The following MEGF10 variants were observed in gnomAD, a reference collection of about 807,000 sequenced individuals.
MEGF10 encodes multiple EGF like domains 10, also known as multiple epidermal growth factor-like domains protein 10.
In MEGF10, 86 loss-of-function variants were observed where a neutral mutation model predicts 147.5. The observed-to-expected ratio is 0.58, with a 90% CI of 0.49 to 0.70. The LOEUF (loss-of-function observed/expected upper bound fraction) is 0.70, where lower values mean the gene tolerates loss of function less well. Among genes scored for constraint, MEGF10 ranks in the 30% least tolerant of loss-of-function variants. The pLI is 0.00. For missense variants in MEGF10, 1,329 were observed against 1,487.3 expected (o/e 0.89, Z 1.75); for synonymous variants, 478 against 525.5 (o/e 0.91, Z 1.24).
intron 8 of MEGF10, among the ~76,000 whole-genome samples, chr5:127,408,316 A>G (rs1203899900): frequency 6.6e-6 from 1 of 152,226 alleles, no homozygotes; most frequent in Non-Finnish European, 1.5e-5. Context: ...GAGACAGAAA[A>G]TGATATTATT....
chr5:127,407,380 A>G (rs192025607), intron 8 of MEGF10, among the ~76,000 whole-genome samples: 1 of 152,264 alleles, frequency 6.6e-6, no homozygotes, highest in African/African-American at 2.4e-5. Context: ...ACGTTAACTC[A>G]CTTACTTTTT....
the MEGF10 span, among the ~76,000 whole-genome samples, chr5:127,239,461 A>AATAT: frequency 1.5e-5 from 2 of 131,318 alleles, no homozygotes; most frequent in African/African-American, 5.7e-5. Context: ...TTATATATAA[A>AATAT]ATATATATAT....
intron 4 of MEGF10, among the ~76,000 whole-genome samples, chr5:127,344,261 T>C (rs2080917): frequency 5.9e-5 from 9 of 152,186 alleles, no homozygotes; most frequent in Non-Finnish European, 1.2e-4. Context: ...TCTTTTTTAA[T>C]GCATTTCAGA....
chr5:127,443,007 C>T lies in MEGF10; in HGVS notation c.2372C>T (p.Ser791Leu). ...GACTTTCCTTCTCTAGAGTGCCCTT[C>T]AGGAACATATGGCTATGGCTGTCGC... ...MGRHCEQKCP[S>L]GTYGYGCRQI... The change falls in exon 19 of 25, where the codon TCA becomes TTA. Residue 791 changes from serine (S) to leucine (L), a missense_variant. Physicochemically the swap from Ser to Leu is moderately radical, Grantham distance 145. Coordinates refer to ENST00000503335, the MANE Select transcript of MEGF10 (RefSeq NM_001256545.2). 1.9e-6 allele frequency: 3 copies of T among 1,612,370 alleles called. No individual in the cohort carries two copies. The highest frequency in any genetic ancestry group is 2.5e-6 in the Non-Finnish European group (3 of 1,179,024).
chr5:127,456,411 A>AT (rs1404689657), intron 24 of MEGF10, among the ~76,000 whole-genome samples: 1 of 152,114 alleles, frequency 6.6e-6, no homozygotes, highest in Non-Finnish European at 1.5e-5. Context: ...CAATAGGGCT[A>AT]TATATTTTCA....
At chr5:127,307,665 A>AATTTTCTTCTATCCATGATGGAGAT (rs1760075066) in intron 1 of MEGF10, among the ~76,000 whole-genome samples, 2 of 152,126 alleles carry the variant, frequency 1.3e-5, no homozygotes, top group Non-Finnish European at 2.9e-5. Context: ...ACCAAATTCA[A>AATTTTCTTCTATCCATGATGGAGAT]ATTTTCTTCT....
chr5:127,246,097 A>T, the MEGF10 span, among the ~76,000 whole-genome samples: 5 of 152,196 alleles, frequency 3.3e-5, no homozygotes, highest in African/African-American at 9.6e-5. Context: ...CAGCAATCCC[A>T]TTACTGGGTA....
At chr5:127,362,525 G>T (rs1215430515) in intron 4 of MEGF10, among the ~76,000 whole-genome samples, 1 of 151,590 alleles carries the variant, frequency 6.6e-6, no homozygotes, top group Non-Finnish European at 1.5e-5. Context: ...CACCACGCCC[G>T]GCTAATTTTT....
At chr5:127,244,404 T>C in the MEGF10 span, among the ~76,000 whole-genome samples, 1 of 150,176 alleles carries the variant, frequency 6.7e-6, no homozygotes, top group African/African-American at 2.4e-5. Flanking sequence ...GGTATCATTA[T>C]CACAGGAGTT....
At chr5:127,401,282 G>T (rs1764122127) in intron 7 of MEGF10, among the ~76,000 whole-genome samples, 1 of 152,160 alleles carries the variant, frequency 6.6e-6, no homozygotes, top group African/African-American at 2.4e-5. Flanking sequence ...CTAATTGAGG[G>T]TTGTTACCTT....
chr5:127,249,058 T>C, the MEGF10 span, among the ~76,000 whole-genome samples: 1 of 152,000 alleles, frequency 6.6e-6, no homozygotes, highest in East Asian at 1.9e-4. Context: ...TGGGCAAATA[T>C]GAATAAATTT....
At chr5:127,331,231 A>C in intron 1 of MEGF10, 60 bp from the exon 2 acceptor site, 1 of 881,242 alleles carries the variant, frequency 1.1e-6, no homozygotes, top group Non-Finnish European at 1.9e-6. Context: ...GCTGTACTGA[A>C]AAGAATTCTG....
chr5:127,374,521 C>A (rs551348593), intron 5 of MEGF10, among the ~76,000 whole-genome samples: 42 of 151,252 alleles, frequency 2.8e-4, no homozygotes, highest in East Asian at 1.9e-3. Flanking sequence ...ATAAAAAAAA[C>A]CCCTGTATTT....
chr5:127,399,847 T>G (rs903910220), intron 7 of MEGF10, among the ~76,000 whole-genome samples: 1 of 152,232 alleles, frequency 6.6e-6, no homozygotes, highest in Middle Eastern at 3.2e-3. Flanking sequence ...TTTCTCACCA[T>G]AAATCCACTC....
intron 1 of MEGF10, among the ~76,000 whole-genome samples, chr5:127,300,768 A>G (rs1240581608): frequency 1.3e-5 from 2 of 152,186 alleles, no homozygotes; most frequent in African/African-American, 4.8e-5. Context: ...ATTCACCCTT[A>G]CTTCTACAGT....
At chr5:127,456,090 A>G (rs1296292042) in intron 24 of MEGF10, among the ~76,000 whole-genome samples, 3 of 152,214 alleles carry the variant, frequency 2.0e-5, no homozygotes, top group Non-Finnish European at 4.4e-5. Context: ...TTTTGTAACC[A>G]TAGTGAATAT....
intron 2 of MEGF10, among the ~76,000 whole-genome samples, chr5:127,335,835 T>C (rs1328352179): frequency 6.6e-6 from 1 of 151,926 alleles, no homozygotes; most frequent in Non-Finnish European, 1.5e-5. Flanking sequence ...TGGAGTTCTG[T>C]CTCTTGCTCT....
At chr5:127,434,591 G>T in intron 14 of MEGF10, 96 bp from the exon 15 acceptor site, 6 of 1,324,208 alleles carry the variant, frequency 4.5e-6, no homozygotes, top group South Asian at 1.8e-5. Flanking sequence ...TTAAGGTTTT[G>T]CTTTTTAACC....
intron 5 of MEGF10, among the ~76,000 whole-genome samples, chr5:127,395,960 A>G (rs892215206): frequency 6.6e-6 from 1 of 151,848 alleles, no homozygotes; most frequent in South Asian, 2.1e-4. Flanking sequence ...CTCCCTTTTC[A>G]TGGTTACTGC....
Sources: allele counts gnomAD v4.1 joint callset (sites outside exome capture counted in the v4.1 genomes callset), GRCh38; gene constraint gnomAD v4.1.1; transcripts MANE v1.5; gene names NCBI Gene and HGNC (gene_info 2026-07-23, HGNC 2026-07-21).